AP1S3: variants seen among roughly 807,000 people sequenced by gnomAD.
AP1S3 encodes adaptor related protein complex 1 subunit sigma 3.
In AP1S3, 10 loss-of-function variants were observed where a neutral mutation model predicts 20.9. The ratio of observed to expected loss-of-function variants is 0.48; its 90% CI spans 0.29 to 0.81. The LOEUF (loss-of-function observed/expected upper bound fraction) is 0.81, where lower values mean the gene tolerates loss of function less well. AP1S3 is among the 30% of genes least tolerant of loss of function. The probability of loss-of-function intolerance (pLI) is 0.08; values close to 1 mark genes in which losing one functional copy is unlikely to be tolerated. For synonymous variants in AP1S3, 41 were observed against 61.5 expected (o/e 0.67, Z 1.56); for missense variants, 154 against 183.8 (o/e 0.84, Z 0.94).
intron 1 of AP1S3, among the ~76,000 whole-genome samples, chr2:223,782,166 C>T (rs1040919781): frequency 6.6e-6 from 1 of 152,050 alleles, no homozygotes; most frequent in African/African-American, 2.4e-5. Context: ...GCGTCCATCA[C>T]CAAGCCCAGC....
intron 3 of AP1S3, among the ~76,000 whole-genome samples, chr2:223,771,495 A>G (rs573508659): frequency 3.3e-5 from 5 of 152,324 alleles, no homozygotes; most frequent in African/African-American, 1.2e-4. Flanking sequence ...AATAAACATG[A>G]GCCTCTTTAT....
chr2:223,804,717 C>CAAAAAAAAA (rs746509169), intron 1 of AP1S3, among the ~76,000 whole-genome samples: 1 of 118,060 alleles, frequency 8.5e-6, no homozygotes, highest in Admixed American at 8.8e-5. Flanking sequence ...GAGACTGTTT[C>CAAAAAAAAA]AAAAAAAAAA....
In AP1S3 at chr2:223,758,722, G is replaced by A; in HGVS notation, c.458C>T (p.Thr153Ile). ...CTTCAAGTAGATTTCCAGTTAAAATGTAGGCTTGTTCATGTATTCTTCCAT... is the reference window on the plus strand; with the variant it reads ...CTTCAAGTAGATTTCCAGTTAAAATATAGGCTTGTTCATGTATTCTTCCAT... The part of the protein sequence containing the change: ...ETMEEYMNKP[T>I]F Residue 153 changes from threonine to isoleucine, a missense_variant, in exon 5 of 5, where the codon ACA (threonine) becomes ATA (isoleucine). Coordinates refer to ENST00000396654, the MANE Select transcript of AP1S3 (RefSeq NM_001039569.2). 1 of 1,609,180 alleles carries A rather than the reference G, an allele frequency of 6.2e-7. No homozygotes were observed. Among genetic ancestry groups the A allele is most frequent in the Non-Finnish European group, 8.5e-7 (1 of 1,178,044 alleles).
Position 223,788,779 on chromosome 2 carries a change from A to AAAG in AP1S3, c.4-10913_4-10911dup, listed in dbSNP as rs1237362307. On this transcript the variant is annotated intron_variant, in intron 1 of 4. Coordinates refer to ENST00000396654, the MANE Select transcript of AP1S3 (RefSeq NM_001039569.2). Reference sequence around the variant, plus strand: ...ACTCTGTCTAAAAAAAAAAAAAAAAAAAGAAGAAGAAGAAGAAGAGATATT... The same window carrying AAAG: ...ACTCTGTCTAAAAAAAAAAAAAAAAAAAGAAGAAGAAGAAGAAGAAGAGATATT... 4.8e-3 allele frequency among the ~76,000 whole-genome samples: 706 copies of AAAG among 146,376 alleles called. 6 individuals are homozygous for AAAG. Among genetic ancestry groups the AAAG allele is most frequent in the Non-Finnish European group, 7.6e-3 (509 of 67,174 alleles).
Position 223,813,278 on chromosome 2 carries a change from A to C in AP1S3, c.3+24170T>G, listed in dbSNP as rs79010830. Among the ~76,000 whole-genome samples the C allele has an allele frequency of 7.0e-3, 1,057 of 151,996 alleles. 11 individuals carry two copies. The highest frequency in any genetic ancestry group is 0.024 in the African/African-American group (1,006 of 41,458). ...TGCCATTTTGAAACCTTAGTGAGCA[A>C]TTTTCCTATGACTTTCAAAACGTGC... On this transcript the variant is annotated intron_variant, in intron 1 of 4. Transcript: ENST00000396654.
intron 1 of AP1S3, among the ~76,000 whole-genome samples, chr2:223,780,357 A>AGAGAGAGT (rs1559280905): frequency 2.2e-5 from 1 of 44,450 alleles, no homozygotes; most frequent in East Asian, 1.2e-3. Context: ...AGAGAGAGAG[A>AGAGAGAGT]GTGTGTGTGT....
Position 223,758,028 on chromosome 2 carries a change from T to C in AP1S3, c.*687A>G. On this transcript the variant is annotated 3_prime_UTR_variant, in exon 5 of 5. Coordinates refer to ENST00000396654, the MANE Select transcript of AP1S3 (RefSeq NM_001039569.2). ...GTTCATAGAAAACCTTATTGGAATG[T>C]CCCTTATATTCAATTAAAAGATAAA... The C allele has an allele frequency of 2.0e-6, 2 of 976,266 alleles. No individual in the cohort carries two copies. The highest frequency in any genetic ancestry group is 1.2e-6 in the Non-Finnish European group (1 of 821,584). The allele number at this position is 976,266 out of a possible 1,614,324, so 60.5% of individuals were successfully genotyped here.
At chr2:223,765,019 T>C in intron 4 of AP1S3, 194 bp downstream of exon 4, 1 of 691,064 alleles carries the variant, frequency 1.4e-6, no homozygotes, top group Non-Finnish European at 2.2e-6. Context: ...TACTCATCTG[T>C]AAAGTGGGAG....
At position 223,756,440 on chromosome 2, in the gene AP1S3, A is replaced by G. The variant is rs894599383; in HGVS notation, c.*2275T>C. The stretch of plus-strand genomic sequence containing the variant: ...GAGAGAGAGAGAAGAAGGAAGGAAG[A>G]AAGGAAGGAAAAGAAAGAAAGAAAG... On this transcript the variant is annotated 3_prime_UTR_variant, in exon 5 of 5. Transcript: ENST00000396654. The G allele has an allele frequency of 2.4e-5, 19 of 781,672 alleles. No homozygotes were observed. The South Asian group carries it at 9.2e-4, about 38-fold the overall frequency. 48.4% of individuals were successfully genotyped at this position (781,672 alleles called of 1,614,324 possible).
intron 3 of AP1S3, among the ~76,000 whole-genome samples, chr2:223,769,435 T>G (rs953721192): frequency 2.6e-5 from 4 of 152,248 alleles, no homozygotes; most frequent in African/African-American, 9.6e-5. Flanking sequence ...TTTCCCTGCT[T>G]ATTAGTGAGA....
At chr2:223,765,483 G>C (rs1295105586) in intron 3 of AP1S3, 133 bp from the exon 4 acceptor site, 16 of 948,720 alleles carry the variant, frequency 1.7e-5, no homozygotes, top group Non-Finnish European at 1.8e-5. Flanking sequence ...GCATTTTAAG[G>C]ACAGAAAAAA....
intron 1 of AP1S3, among the ~76,000 whole-genome samples, chr2:223,812,458 G>GT (rs1204037220): frequency 1.3e-5 from 2 of 152,172 alleles, no homozygotes; most frequent in African/African-American, 4.8e-5. Context: ...CTGACTTCAG[G>GT]TGATCAGCCC....
rs1690214036 is a variant in AP1S3, at chr2:223,756,288, G to T, written c.*2427C>A. 6.6e-6 allele frequency among the ~76,000 whole-genome samples: 1 copy of T among 151,424 alleles called. No homozygotes were observed. The highest frequency in any genetic ancestry group is 2.4e-5 in the African/African-American group (1 of 41,160). ...GGAGACGGAGGCTGCAGTGACCTGAGATCACACCATTGCACTCTGGCCTGG... is the reference window on the plus strand; with the variant it reads ...GGAGACGGAGGCTGCAGTGACCTGATATCACACCATTGCACTCTGGCCTGG... On this transcript the variant is annotated 3_prime_UTR_variant, in exon 5 of 5. Transcript: ENST00000396654.
intron 1 of AP1S3, among the ~76,000 whole-genome samples, chr2:223,791,853 T>C (rs780459819): frequency 6.6e-6 from 1 of 152,132 alleles, no homozygotes; most frequent in South Asian, 2.1e-4. Flanking sequence ...ACAAAATGAA[T>C]GTGCAAAAAT....
chr2:223,758,817 C>A (rs1690285239), intron 4 of AP1S3, 67 bp from the exon 5 acceptor site: 1 of 1,326,162 alleles, frequency 7.5e-7, no homozygotes, highest in African/African-American at 1.5e-5. Flanking sequence ...ACTGTGAAAT[C>A]TTCTGCATTC....
At position 223,826,751 on chromosome 2, in the gene AP1S3, T is replaced by G. The variant is rs532005552; in HGVS notation, c.3+10697A>C. 3.3e-5 allele frequency among the ~76,000 whole-genome samples: 5 copies of G among 152,180 alleles called. No individual in the cohort carries two copies. In the South Asian group the frequency reaches 1.0e-3, roughly 32 times the overall value. On this transcript the variant is annotated intron_variant, in intron 1 of 4. Coordinates refer to ENST00000396654, the MANE Select transcript of AP1S3 (RefSeq NM_001039569.2). Reference sequence around the variant, plus strand: ...TCACTGCAACCTCTGCCTTCCAGATTCAAGCAATCTTTCCACCTCAGTCTC... The same window carrying G: ...TCACTGCAACCTCTGCCTTCCAGATGCAAGCAATCTTTCCACCTCAGTCTC...
In AP1S3 at chr2:223,813,210, G is replaced by A. The variant is rs148452102; in HGVS notation, c.3+24238C>T. Among the ~76,000 whole-genome samples the A allele has an allele frequency of 9.1e-3, 1,383 of 152,252 alleles. 38 individuals carry two copies. Among genetic ancestry groups the A allele is most frequent in the African/African-American group, 0.031 (1,307 of 41,540 alleles). On this transcript the variant is annotated intron_variant, in intron 1 of 4. Coordinates refer to ENST00000396654, the MANE Select transcript of AP1S3 (RefSeq NM_001039569.2). ...GATCTACCCCACTCAGCCTCCCAAA[G>A]TGCTGGGAGTACAGGAGTGAGCCAC...
At chr2:223,769,646 T>C (rs1314203004) in intron 3 of AP1S3, among the ~76,000 whole-genome samples, 1 of 151,876 alleles carries the variant, frequency 6.6e-6, no homozygotes, top group Admixed American at 6.6e-5. Flanking sequence ...TAAGGTAGAT[T>C]TACATGCACA....
At chr2:223,785,281 G>T (rs1184047621) in intron 1 of AP1S3, among the ~76,000 whole-genome samples, 3 of 152,142 alleles carry the variant, frequency 2.0e-5, no homozygotes, top group Non-Finnish European at 4.4e-5. Context: ...GGTGGAGGCT[G>T]CAGTGAGCCA....
Sources: gnomAD v4.1 joint callset for allele counts (sites outside exome capture counted in the v4.1 genomes callset) on GRCh38, gnomAD v4.1.1 for gene constraint, MANE v1.5 for transcripts, NCBI Gene and HGNC (gene_info 2026-07-23, HGNC 2026-07-21) for gene names.